NSRP1: variants seen among roughly 807,000 people sequenced by gnomAD.
NSRP1 encodes the protein nuclear speckle splicing regulatory protein 1.
A neutral mutation model predicts 54.7 loss-of-function variants in NSRP1; 24 were observed. The observed-to-expected ratio is 0.44, with a 90% CI of 0.32 to 0.62. The LOEUF is 0.62. Among genes scored for constraint, NSRP1 ranks in the 20% least tolerant of loss-of-function variants. NSRP1 has a pLI of 0.06. For missense variants in NSRP1, 596 were observed against 651.2 expected, an observed-to-expected ratio of 0.92 and a Z score of 0.92; for synonymous variants, 210 against 213.8, an observed-to-expected ratio of 0.98 and a Z score of 0.15.
At chr17:30,167,221 A>G (rs780471296) in intron 2 of NSRP1, among the ~76,000 whole-genome samples, 2 of 152,168 alleles carry the variant, frequency 1.3e-5, no homozygotes, top group Admixed American at 6.5e-5. Context: ...ATACGATTTC[A>G]TTCTTTTTAT....
At chr17:30,129,301 A>G (rs1001075664) in intron 2 of NSRP1, among the ~76,000 whole-genome samples, 4 of 152,094 alleles carry the variant, frequency 2.6e-5, no homozygotes, top group African/African-American at 9.7e-5. Context: ...AGGTGCACAG[A>G]TAAGTAAAAA....
At chr17:30,150,287 G>T (rs1302027562) in intron 2 of NSRP1, 1 of 152,028 alleles carries the variant, frequency 6.6e-6, no homozygotes, top group East Asian at 1.9e-4. Flanking sequence ...CACCATGTTG[G>T]TCAGGCTGGT....
chr17:30,175,173 A>G (rs556232108), intron 3 of NSRP1, among the ~76,000 whole-genome samples: 47 of 152,200 alleles, frequency 3.1e-4, no homozygotes, highest in Admixed American at 9.2e-4. Flanking sequence ...TCTCTTTTCT[A>G]ATATATGCAT....
intron 6 of NSRP1, 43 bp downstream of exon 6, chr17:30,181,059 A>G (rs374952136): frequency 2.5e-6 from 3 of 1,195,670 alleles, no homozygotes; most frequent in Admixed American, 1.7e-5. Flanking sequence ...AAATACTGTT[A>G]ATAATCTGTG....
Position 30,184,775 on chromosome 17 carries a change from A to G in NSRP1, c.778A>G (p.Ile260Val). Residue 260 changes from isoleucine to valine, a missense_variant, in exon 7 of 7, where the codon ATA becomes GTA. Physicochemically the swap from Ile to Val is conservative, Grantham distance 29. Transcript: ENST00000247026. The stretch of plus-strand genomic sequence containing the variant: ...TGCTAAGAGCAGTGCGGATGATGAA[A>G]TAGAAGAAACTAGAGTGAACTGCAG... ...FDAKSSADDE[I>V]EETRVNCRRE... The G allele has an allele frequency of 6.2e-7, 1 of 1,614,100 alleles. No homozygotes were observed. Among genetic ancestry groups the G allele is most frequent in the Non-Finnish European group, 8.5e-7 (1 of 1,179,996 alleles).
chr17:30,177,806 T>C (rs1235346615), intron 3 of NSRP1: 2 of 463,284 alleles, frequency 4.3e-6, no homozygotes, highest in Non-Finnish European at 7.7e-6. Flanking sequence ...AATGTAAATA[T>C]AGTCATTATT....
intron 6 of NSRP1, among the ~76,000 whole-genome samples, chr17:30,181,564 T>TTTGTGTTTTTTGTTGTTGTTG (rs1206383409): frequency 2.0e-5 from 3 of 150,792 alleles, no homozygotes; most frequent in Non-Finnish European, 3.0e-5. Flanking sequence ...GAATTTTCTT[T>TTTGTGTTTTTTGTTGTTGTTG]TTGTGTTTTT....
At chr17:30,134,257 C>A (rs539200082) in intron 2 of NSRP1, among the ~76,000 whole-genome samples, 1 of 152,114 alleles carries the variant, frequency 6.6e-6, no homozygotes, top group Non-Finnish European at 1.5e-5. Context: ...CAAACAGATA[C>A]GTTAATAACA....
chr17:30,134,764 G>C (rs1004945133), intron 2 of NSRP1, among the ~76,000 whole-genome samples: 1 of 152,160 alleles, frequency 6.6e-6, no homozygotes, highest in Admixed American at 6.6e-5. Flanking sequence ...GAGTTTCAGA[G>C]AATGGATTTC....
At chr17:30,124,732 G>A (rs145389657) in intron 2 of NSRP1, among the ~76,000 whole-genome samples, 78 of 152,294 alleles carry the variant, frequency 5.1e-4, no homozygotes, top group Admixed American at 8.5e-4. Flanking sequence ...AGAGAGAAAG[G>A]TTCTCCTACC....
intron 2 of NSRP1, among the ~76,000 whole-genome samples, chr17:30,139,255 T>C (rs1166487388): frequency 6.6e-6 from 1 of 152,038 alleles, no homozygotes; most frequent in East Asian, 1.9e-4. Context: ...TTGTTTTTGT[T>C]GAGTTGTAGG....
At chr17:30,141,271 G>C (rs962269206) in intron 2 of NSRP1, among the ~76,000 whole-genome samples, 1 of 152,030 alleles carries the variant, frequency 6.6e-6, no homozygotes. Flanking sequence ...ATTAATAGCT[G>C]TAAATTCTTC....
intron 2 of NSRP1, among the ~76,000 whole-genome samples, chr17:30,172,188 G>GA (rs1281285609): frequency 6.6e-6 from 1 of 151,990 alleles, no homozygotes; most frequent in Non-Finnish European, 1.5e-5. Context: ...GAAGTTTAGG[G>GA]AAAAAACCCT....
intron 2 of NSRP1, among the ~76,000 whole-genome samples, chr17:30,158,168 C>G (rs1175371626): frequency 6.6e-6 from 1 of 152,090 alleles, no homozygotes; most frequent in Non-Finnish European, 1.5e-5. Flanking sequence ...GAGGTTCCAG[C>G]TGGGGTAAGA....
chr17:30,118,571 A>C (rs970564025), intron 2 of NSRP1, among the ~76,000 whole-genome samples: 1 of 152,042 alleles, frequency 6.6e-6, no homozygotes, highest in Non-Finnish European at 1.5e-5. Context: ...CTTTTTTTTT[A>C]AATTCAGTGT....
At chr17:30,173,698 G>C (rs1418863463) in intron 3 of NSRP1, among the ~76,000 whole-genome samples, 1 of 152,176 alleles carries the variant, frequency 6.6e-6, no homozygotes, top group East Asian at 1.9e-4. Flanking sequence ...CTATGAGATA[G>C]ATGCTTTTAT....
chr17:30,129,017 C>T (rs1244278216), intron 2 of NSRP1, among the ~76,000 whole-genome samples: 1 of 150,996 alleles, frequency 6.6e-6, no homozygotes, highest in Non-Finnish European at 1.5e-5. Flanking sequence ...TTTGGTGTCC[C>T]CAAGTGCTGG....
chr17:30,159,375 C>T lies in NSRP1; in HGVS notation c.115-13167C>T, dbSNP rs372915535. On this transcript the variant is annotated intron_variant, in intron 2 of 6. Transcript: ENST00000247026. ...GGTTTTTTTTGTGTGTGTGTGTAGT[C>T]GTTTGGTTTTTCTAAATATAAGATC... Among the ~76,000 whole-genome samples, 287 of 151,820 alleles carry T rather than the reference C, an allele frequency of 1.9e-3. 2 individuals carry two copies. The highest frequency in any genetic ancestry group is 6.8e-3 in the Middle Eastern group (2 of 294).
chr17:30,160,551 A>G (rs1482509782), intron 2 of NSRP1, among the ~76,000 whole-genome samples: 1 of 152,048 alleles, frequency 6.6e-6, no homozygotes. Flanking sequence ...GAATTTGTCC[A>G]TGTCCTTTAG....
Sources: gnomAD v4.1 joint callset for allele counts (sites outside exome capture counted in the v4.1 genomes callset) on GRCh38, gnomAD v4.1.1 for gene constraint, MANE v1.5 for transcripts, NCBI Gene and HGNC (gene_info 2026-07-23, HGNC 2026-07-21) for gene names.